STK36: variants seen among roughly 807,000 people sequenced by gnomAD.
STK36 encodes the protein serine/threonine-protein kinase 36.
A neutral mutation model predicts 142.2 loss-of-function variants in STK36; 116 were observed. The observed-to-expected ratio is 0.82, with a 90% CI of 0.70 to 0.95. The LOEUF (loss-of-function observed/expected upper bound fraction) is 0.95, where lower values mean the gene tolerates loss of function less well. STK36 is among the 40% of genes least tolerant of loss of function. STK36 has a pLI of 0.00. For synonymous variants in STK36, 619 were observed against 641.7 expected (o/e 0.96, Z 0.53); for missense variants, 1,422 against 1,617.2 (o/e 0.88, Z 2.07).
intron 14 of STK36, among the ~76,000 whole-genome samples, chr2:218,690,987 G>A (rs1373001427): frequency 6.6e-6 from 1 of 152,114 alleles, no homozygotes; most frequent in Non-Finnish European, 1.5e-5. Context: ...TACAGAAAGA[G>A]TAACATATAT....
chr2:218,672,383 G>A (rs1264958000), intron 1 of STK36, 168 bp downstream of exon 1: 1 of 309,210 alleles, frequency 3.2e-6, no homozygotes, highest in Non-Finnish European at 6.1e-6. Flanking sequence ...AGGGGCTCTG[G>A]CCTGCGAAGC....
chr2:218,677,430 G>A (rs1321001815), intron 6 of STK36, among the ~76,000 whole-genome samples: 1 of 152,230 alleles, frequency 6.6e-6, no homozygotes. Flanking sequence ...GGGCCAGGCA[G>A]CCTTGCTTTT....
At chr2:218,688,541 T>A in intron 11 of STK36, 156 bp from the exon 12 acceptor site, 2 of 851,270 alleles carry the variant, frequency 2.3e-6, no homozygotes, top group Non-Finnish European at 3.7e-6. Context: ...TTCCCCTATT[T>A]CCCTGCTTTC....
rs1940869897 is a variant in STK36, at chr2:218,688,606, C to T, written c.1381-91C>T. ...GGAATGCAAGCATGTGGTCTGCTTT[C>T]CCAGCTCCTTGGGGATGCTTGGTAT... is the stretch of plus-strand genomic sequence containing the variant. On this transcript the variant is annotated intron_variant, in intron 11 of 26. Transcript: ENST00000295709. 13 of 1,432,688 alleles carry T rather than the reference C, an allele frequency of 9.1e-6. No homozygotes were observed. In the East Asian group the frequency reaches 3.0e-4, roughly 33 times the overall value. The allele number at this position is 1,432,688 out of a possible 1,614,324, so 88.7% of individuals were successfully genotyped here.
intron 12 of STK36, among the ~76,000 whole-genome samples, chr2:218,689,137 A>G (rs1472070141): frequency 1.3e-5 from 2 of 152,234 alleles, no homozygotes; most frequent in Admixed American, 1.3e-4. Context: ...CTCTAAATAG[A>G]GTAGAGGCAT....
intron 10 of STK36, among the ~76,000 whole-genome samples, chr2:218,684,511 C>G (rs1212060200): frequency 7.4e-6 from 1 of 135,362 alleles, no homozygotes; most frequent in Admixed American, 8.9e-5. Context: ...AACTCTGTCT[C>G]CCGGGTTCAA....
In STK36 at chr2:218,689,144, G is replaced by A. The variant is rs78047339; in HGVS notation, c.1560+268G>A. Among the ~76,000 whole-genome samples, 900 of 152,234 alleles carry A rather than the reference G, an allele frequency of 5.9e-3. 8 individuals are homozygous for A. The highest frequency in any genetic ancestry group is 0.02 in the African/African-American group (837 of 41,542). On this transcript the variant is annotated intron_variant, in intron 12 of 26. Coordinates refer to ENST00000295709, the MANE Select transcript of STK36 (RefSeq NM_015690.5). ...CATGCCTCCTCTAAATAGAGTAGAG[G>A]CATCCTTTCCTCAGCCTCCAGCCCA...
rs1406196415 is a variant in STK36 at position 218,680,546 on chromosome 2, C to A, written c.1137-57C>A. ...GGGTCTACAGAGAGGGACAAGTTAA[C>A]GAACCCTAAGAGTCATAGGTTTGGA... On this transcript the variant is annotated intron_variant, in intron 9 of 26. Coordinates refer to ENST00000295709, the MANE Select transcript of STK36 (RefSeq NM_015690.5). 4 of 1,442,440 alleles carry A rather than the reference C, an allele frequency of 2.8e-6. No homozygotes were observed. In the South Asian group the frequency reaches 3.6e-5, roughly 13 times the overall value. The allele number at this position is 1,442,440 out of a possible 1,614,324, so 89.4% of individuals were successfully genotyped here.
chr2:218,694,174 A>T lies in STK36; in HGVS notation c.2337-90A>T. 1 of 1,242,316 alleles carries T rather than the reference A, an allele frequency of 8.0e-7. No individual in the cohort carries two copies. Among genetic ancestry groups the T allele is most frequent in the South Asian group, 1.2e-5 (1 of 82,550 alleles). The allele number at this position is 1,242,316 out of a possible 1,614,324, so 77.0% of individuals were successfully genotyped here. A position where few individuals can be genotyped will look rare whatever the true frequency, so the allele number is the denominator to read the frequency against. Reference sequence around the variant, plus strand: ...TGCCTTGGAGGTAGACATGCAGCCTAGGTGAAGAACACCATGCAAGGGAGA... The same window carrying T: ...TGCCTTGGAGGTAGACATGCAGCCTTGGTGAAGAACACCATGCAAGGGAGA... On this transcript the variant is annotated intron_variant, in intron 19 of 26. Coordinates refer to ENST00000295709, the MANE Select transcript of STK36 (RefSeq NM_015690.5). This position sits in a 1 kb window ranked among gnomAD's most constrained non-coding sequence, Gnocchi z 4.4.
In STK36 at chr2:218,697,836, C is replaced by T. The variant is rs750160740; in HGVS notation, c.2910-18C>T. On this transcript the variant is annotated intron_variant, in intron 24 of 26. Transcript: ENST00000295709. ...TTAAGTGAACAAGACCAAGTCTCTTCGACATTCCTCTCCTTAGGCCTCATG... is the reference window on the plus strand; with the variant it reads ...TTAAGTGAACAAGACCAAGTCTCTTTGACATTCCTCTCCTTAGGCCTCATG... The T allele has an allele frequency of 9.9e-6, 16 of 1,613,986 alleles. No individual in the cohort carries two copies. The highest frequency in any genetic ancestry group is 1.6e-4 in the Middle Eastern group (1 of 6,084).
Position 218,694,799 on chromosome 2 carries a change from C to T in STK36, c.2511+164C>T, listed in dbSNP as rs1371644319. ...TCTAGATTTGTCGCCGGATGATAGG[C>T]CCCTCTGAGCCCAGATTGATCTGGA... is the stretch of plus-strand genomic sequence containing the variant. On this transcript the variant is annotated intron_variant, in intron 21 of 26. Transcript: ENST00000295709. This position sits in a 1 kb window ranked among gnomAD's most constrained non-coding sequence, Gnocchi z 4.4. Among the ~76,000 whole-genome samples the T allele has an allele frequency of 6.6e-6, 1 of 152,184 alleles. No homozygotes were observed. The highest frequency in any genetic ancestry group is 2.4e-5 in the African/African-American group (1 of 41,442).
At chr2:218,675,122 G>C (rs1336295213) in intron 4 of STK36, among the ~76,000 whole-genome samples, 4 of 152,098 alleles carry the variant, frequency 2.6e-5, no homozygotes, top group Non-Finnish European at 5.9e-5. Context: ...TGGTCAAGCA[G>C]ATAGTAAATG....
At chr2:218,701,531 G>A (rs1941443247) in intron 26 of STK36, among the ~76,000 whole-genome samples, 1 of 152,136 alleles carries the variant, frequency 6.6e-6, no homozygotes, top group Admixed American at 6.5e-5. Context: ...TCACTGGTCT[G>A]CATTGAAGGC....
chr2:218,676,089 C>G lies in STK36; in HGVS notation c.495C>G (p.Leu165=). Residue 165 remains leucine, a synonymous_variant, in exon 6 of 27, where the codon CTC becomes CTG. Coordinates refer to ENST00000295709, the MANE Select transcript of STK36 (RefSeq NM_015690.5). ...MVLTSIKGTP[L]YMSPELVEER... ...TGACATCCATCAAAGGCACACCACTCTATATGTCTCCAGAGCTGGTGGAGG... is the reference window on the plus strand; with the variant it reads ...TGACATCCATCAAAGGCACACCACTGTATATGTCTCCAGAGCTGGTGGAGG... The G allele has an allele frequency of 6.2e-7, 1 of 1,614,194 alleles. No individual in the cohort carries two copies. The highest frequency in any genetic ancestry group is 8.5e-7 in the Non-Finnish European group (1 of 1,180,042).
intron 12 of STK36, among the ~76,000 whole-genome samples, chr2:218,689,191 G>A (rs965034802): frequency 1.3e-5 from 2 of 152,108 alleles, no homozygotes; most frequent in Non-Finnish European, 2.9e-5. Context: ...GGGAAATATG[G>A]GCCTGAGAAA....
rs1374970394 is a variant in STK36 at position 218,675,433 on chromosome 2, C to T, written c.394C>T (p.Leu132Phe). 2 of 1,613,790 alleles carry T rather than the reference C, an allele frequency of 1.2e-6. No individual in the cohort carries two copies. The highest frequency in any genetic ancestry group is 1.7e-6 in the Non-Finnish European group (2 of 1,179,936). The change falls in exon 5 of 27, where the codon CTC becomes TTC. Residue 132 changes from leucine to phenylalanine, a missense_variant. By Grantham distance (22) the Leu-to-Phe change is conservative. Around this residue, in one of 2 missense-constraint regions of STK36, gnomAD observed 460 missense variants for 449.6 expected, o/e 1.02. Coordinates refer to ENST00000295709, the MANE Select transcript of STK36 (RefSeq NM_015690.5). Reference protein sequence around the residue: ...LHRDMKPQNILLAKGGGIKLC... With the variant: ...LHRDMKPQNIFLAKGGGIKLC... ...CCGAGATATGAAGCCTCAGAACATCCTCCTCGCCAAGGGTGGTGGCATCAA... is the reference window on the plus strand; with the variant it reads ...CCGAGATATGAAGCCTCAGAACATCTTCCTCGCCAAGGGTGGTGGCATCAA...
At chr2:218,676,815 A>AT (rs1338122409) in intron 6 of STK36, among the ~76,000 whole-genome samples, 3 of 151,288 alleles carry the variant, frequency 2.0e-5, no homozygotes, top group African/African-American at 7.3e-5. Context: ...CACCCGGCTA[A>AT]TTTTTTTGTA....
Position 218,680,000 on chromosome 2 carries a change from C to A in STK36, c.1056C>A (p.Ser352Arg), listed in dbSNP as rs199812406. Residue 352 changes from serine to arginine, a missense_variant, in exon 9 of 27, where the codon AGC (serine) becomes AGA (arginine). By Grantham distance (110) the Ser-to-Arg change is moderately radical (BLOSUM62 -1). Coordinates refer to ENST00000295709, the MANE Select transcript of STK36 (RefSeq NM_015690.5). ...TCGGGGCCACTCCTCAGGAATCAAG[C>A]CTCCTGGCCGGGATCTTAGCCTCAG... is the stretch of plus-strand genomic sequence containing the variant. Reference protein sequence around the residue: ...PRLGATPQESSLLAGILASEL... With the variant: ...PRLGATPQESRLLAGILASEL... The A allele has an allele frequency of 4.3e-6, 7 of 1,614,192 alleles. No homozygotes were observed. The African/African-American group carries it at 9.3e-5, about 22-fold the overall frequency.
intron 11 of STK36, chr2:218,688,368 T>A (rs4461253): frequency 4.0e-6 from 2 of 502,862 alleles, no homozygotes; most frequent in African/African-American, 3.9e-5. Context: ...GCATGTGCGG[T>A]GCACGTGTTT....
Sources: gnomAD v4.1 joint callset for allele counts (sites outside exome capture counted in the v4.1 genomes callset) on GRCh38, gnomAD v4.1.1 for gene constraint, gnomAD v4.1.1 regional missense constraint, Gnocchi (gnomAD v3.1) non-coding constraint, MANE v1.5 for transcripts, NCBI Gene and HGNC (gene_info 2026-07-23, HGNC 2026-07-21) for gene names.